Variants in PAX2 observed in about 807,000 individuals in gnomAD.
PAX2 encodes the protein paired box 2.
Under a neutral mutation model 41.7 loss-of-function variants are expected in PAX2, and 9 were observed. The observed-to-expected ratio is 0.22, with a 90% CI of 0.13 to 0.38. The LOEUF (loss-of-function observed/expected upper bound fraction) is 0.38, where lower values mean the gene tolerates loss of function less well. Among genes scored for constraint, PAX2 ranks in the 10% least tolerant of loss-of-function variants. The probability of loss-of-function intolerance (pLI) is 1.00; values close to 1 mark genes in which losing one functional copy is unlikely to be tolerated. For missense variants in PAX2, 418 were observed against 531.6 expected (o/e 0.79, Z 2.10); for synonymous variants, 221 against 212.7 (o/e 1.04, Z -0.34).
chr10:100,781,417 A>G lies in PAX2; in HGVS notation c.616+52A>G, dbSNP rs769239261. ...TCCCCTTCACATGCTTTGTCCTTGG[A>G]CTCCAAGCTCCGGTTTCGGCCTGGC... On this transcript the variant is annotated intron_variant, in intron 5 of 9. Transcript: ENST00000355243. 65 of 1,606,148 alleles carry G rather than the reference A, an allele frequency of 4.0e-5. No homozygotes were observed. The Admixed American group carries it at 1.1e-3, about 26-fold the overall frequency.
At chr10:100,764,136 AT>A (rs145391942) in intron 3 of PAX2, among the ~76,000 whole-genome samples, 8,397 of 103,786 alleles carry the variant, frequency 0.081, 171 homozygotes, top group African/African-American at 0.17. Flanking sequence ...CAAACATTGA[AT>A]TTTTTTTTTT....
chr10:100,751,209 C>T (rs1293006252), intron 3 of PAX2, among the ~76,000 whole-genome samples: 1 of 152,202 alleles, frequency 6.6e-6, no homozygotes, highest in Non-Finnish European at 1.5e-5. Context: ...ACAATCACAG[C>T]CTGCAGCCGG....
rs767757944 is a variant in PAX2 at position 100,750,689 on chromosome 10, C to A, written c.213-5C>A. The stretch of plus-strand genomic sequence containing the variant: ...TGGCTGACCCCGCCGGCTTTCCCGG[C>A]GCAGGTACTACGAGACCGGCAGCAT... On this transcript the variant is annotated splice_region_variant and splice_polypyrimidine_tract_variant and intron_variant, in intron 2 of 9. Transcript: ENST00000355243. This position sits in a 1 kb window ranked among gnomAD's most constrained non-coding sequence, Gnocchi z 4.1. 3 of 1,613,636 alleles carry A rather than the reference C, an allele frequency of 1.9e-6. No homozygotes were observed. The highest frequency in any genetic ancestry group is 1.1e-5 in the South Asian group (1 of 91,084).
At position 100,824,691 on chromosome 10, in the gene PAX2, C is replaced by T. The variant is rs138750534; in HGVS notation, c.963C>T (p.His321=). ...ASTTLPGYPP[H]VPPTGQGSYP... Reference sequence around the variant, plus strand: ...CCACTCTGCCTGGTTACCCCCCTCACGTGCCCCCCACTGGCCAGGGAAGCT... The same window carrying T: ...CCACTCTGCCTGGTTACCCCCCTCATGTGCCCCCCACTGGCCAGGGAAGCT... The change falls in exon 8 of 10, where the codon CAC becomes CAT. Residue 321 remains histidine (H), a synonymous_variant. Transcript: ENST00000355243. This position sits in a 1 kb window ranked among gnomAD's most constrained non-coding sequence, Gnocchi z 6.6. 1.2e-4 allele frequency: 188 copies of T among 1,611,226 alleles called. No homozygotes were observed. The highest frequency in any genetic ancestry group is 1.2e-3 in the Middle Eastern group (7 of 6,082).
chr10:100,755,557 A>T (rs900849497), intron 3 of PAX2, among the ~76,000 whole-genome samples: 4 of 152,218 alleles, frequency 2.6e-5, no homozygotes, highest in Non-Finnish European at 4.4e-5. Flanking sequence ...AACCTACTCA[A>T]TTGCTTTTAT....
rs1043233011 is a variant in PAX2, at chr10:100,829,862, G to A, written c.*2243G>A. On this transcript the variant is annotated 3_prime_UTR_variant, in exon 10 of 10. Transcript: ENST00000355243. ...TCTCCTCGGCCACTTTCAGTGCGTCGGTTCGTTTTGATTCTTTTTCTTTTG... is the reference window on the plus strand; with the variant it reads ...TCTCCTCGGCCACTTTCAGTGCGTCAGTTCGTTTTGATTCTTTTTCTTTTG... 37 of 188,142 alleles carry A rather than the reference G, an allele frequency of 2.0e-4. No individual in the cohort carries two copies. In the East Asian group the frequency reaches 2.7e-3, roughly 14 times the overall value. The allele number at this position is 188,142 out of a possible 1,614,324, so 11.7% of individuals were successfully genotyped here.
chr10:100,749,400 G>A (rs961477423), intron 1 of PAX2: 18 of 1,112,194 alleles, frequency 1.6e-5, no homozygotes, highest in Non-Finnish European at 1.8e-5. Context: ...TCCTCTCCTC[G>A]CTTTCTTACG....
upstream of PAX2, among the ~76,000 whole-genome samples, chr10:100,742,685 G>C (rs560558858): frequency 6.6e-6 from 1 of 152,132 alleles, no homozygotes; most frequent in Non-Finnish European, 1.5e-5. Context: ...CCTAGGTTGG[G>C]GGGTGGAAGG....
intron 7 of PAX2, 75 bp downstream of exon 7, chr10:100,809,311 G>C: frequency 7.2e-7 from 1 of 1,396,462 alleles, no homozygotes; most frequent in South Asian, 1.2e-5. Flanking sequence ...CTGAGGCCCA[G>C]TGTGAGGAGC....
Position 100,781,374 on chromosome 10 carries a change from G to A in PAX2, c.616+9G>A, listed in dbSNP as rs756213400. On this transcript the variant is annotated intron_variant, in intron 5 of 9. Transcript: ENST00000355243. ...GAGGAAACGTGATGAAGGTAGGGAGGAGGGAAGAGGTGTGGCTTCCCCTTC... is the reference window on the plus strand; with the variant it reads ...GAGGAAACGTGATGAAGGTAGGGAGAAGGGAAGAGGTGTGGCTTCCCCTTC... 2 of 1,614,066 alleles carry A rather than the reference G, an allele frequency of 1.2e-6. No homozygotes were observed. The highest frequency in any genetic ancestry group is 1.7e-6 in the Non-Finnish European group (2 of 1,179,922).
chr10:100,785,594 A>C (rs1410647829), intron 5 of PAX2, among the ~76,000 whole-genome samples: 2 of 152,220 alleles, frequency 1.3e-5, no homozygotes, highest in Admixed American at 6.5e-5. Flanking sequence ...TGGAAGAAGC[A>C]GTTTATTTCC....
upstream of PAX2, among the ~76,000 whole-genome samples, chr10:100,744,200 G>T (rs574211031): frequency 1.4e-4 from 22 of 152,344 alleles, no homozygotes; most frequent in South Asian, 1.4e-3. Context: ...AGTCCGCCGC[G>T]CTTCCGCGGG....
At chr10:100,741,761 C>T (rs924984230), upstream of PAX2, among the ~76,000 whole-genome samples, 1 of 152,236 alleles carries the variant, frequency 6.6e-6, no homozygotes, top group East Asian at 1.9e-4. Flanking sequence ...CCTCTCTCCC[C>T]TCCCTTTCTG....
intron 5 of PAX2, among the ~76,000 whole-genome samples, chr10:100,804,596 C>G (rs1386281896): frequency 2.6e-5 from 4 of 152,154 alleles, no homozygotes; most frequent in Non-Finnish European, 4.4e-5. Flanking sequence ...GAAGTAGGCA[C>G]AGGAGAAACG....
At chr10:100,778,390 CT>C (rs1041783826) in intron 3 of PAX2, among the ~76,000 whole-genome samples, 3 of 152,196 alleles carry the variant, frequency 2.0e-5, no homozygotes, top group Non-Finnish European at 4.4e-5. Context: ...GGTAACTGAG[CT>C]TTTTTGGGGA....
chr10:100,823,551 C>A (rs1294471088), intron 7 of PAX2, among the ~76,000 whole-genome samples: 1 of 152,166 alleles, frequency 6.6e-6, no homozygotes, highest in Non-Finnish European at 1.5e-5. Flanking sequence ...AGTTCTGTTA[C>A]TTTCTCCAGC....
intron 4 of PAX2, among the ~76,000 whole-genome samples, chr10:100,780,044 C>G (rs1846550665): frequency 6.6e-6 from 1 of 151,888 alleles, no homozygotes; most frequent in African/African-American, 2.4e-5. Flanking sequence ...TGTCTTCTCC[C>G]CTTGGCTCCT....
intron 3 of PAX2, among the ~76,000 whole-genome samples, chr10:100,755,909 G>A (rs1255548351): frequency 6.6e-6 from 1 of 152,204 alleles, no homozygotes; most frequent in African/African-American, 2.4e-5. Context: ...GGGTGGAGAT[G>A]TGGCAGGGGA....
intron 3 of PAX2, among the ~76,000 whole-genome samples, chr10:100,753,294 G>T (rs1254208649): frequency 6.6e-6 from 1 of 152,200 alleles, no homozygotes; most frequent in East Asian, 1.9e-4. Context: ...TTCCCTGTGT[G>T]CTGCTGAGTT....
Sources: gnomAD v4.1 joint callset for allele counts (sites outside exome capture counted in the v4.1 genomes callset) on GRCh38, gnomAD v4.1.1 for gene constraint, Gnocchi (gnomAD v3.1) non-coding constraint, MANE v1.5 for transcripts, NCBI Gene and HGNC (gene_info 2026-07-23, HGNC 2026-07-21) for gene names.